The following ZNF429 variants were observed in gnomAD, a reference collection of about 807,000 sequenced individuals.
ZNF429 encodes the protein zinc finger protein 429.
In ZNF429, 53 loss-of-function variants were observed where a neutral mutation model predicts 56.8. The observed-to-expected ratio is 0.93, with a 90% confidence interval of 0.75 to 1.17. The LOEUF (loss-of-function observed/expected upper bound fraction) is 1.17. Ranked by LOEUF, ZNF429 falls within the 50% of genes most tolerant of loss-of-function variation. The pLI is 0.00. For synonymous variants in ZNF429, 278 were observed against 264.7 expected (o/e 1.05, Z -0.49); for missense variants, 849 against 788.4 (o/e 1.08, Z -0.92).
rs2033740715 is a variant in ZNF429 at position 21,537,405 on chromosome 19, A to G, written c.1352A>G (p.Lys451Arg). The G allele has an allele frequency of 6.2e-7, 1 of 1,613,648 alleles. No homozygotes were observed. Among genetic ancestry groups the G allele is most frequent in the African/African-American group, 1.3e-5 (1 of 75,008 alleles). Residue 451 changes from lysine (K) to arginine (R), a missense_variant, in exon 4 of 4, where the codon AAA becomes AGA. Lys to Arg is a conservative substitution (Grantham distance 26). Coordinates refer to ENST00000358491, the MANE Select transcript of ZNF429 (RefSeq NM_001001415.4). ...CATAAGAGAATTCATACTGAAGAGA[A>G]ACCCTATAAATGTAACGAATGTGGC... ...TRHKRIHTEEKPYKCNECGKA... is the reference protein window; with the variant it reads ...TRHKRIHTEERPYKCNECGKA...
At chr19:21,523,530 C>T (rs1248203217) in intron 1 of ZNF429, among the ~76,000 whole-genome samples, 1 of 152,210 alleles carries the variant, frequency 6.6e-6, no homozygotes, top group East Asian at 1.9e-4. Flanking sequence ...TAGTGCCACA[C>T]TGGACACTAT....
At chr19:21,508,744 C>G (rs576759165) in intron 1 of ZNF429, among the ~76,000 whole-genome samples, 27 of 149,218 alleles carry the variant, frequency 1.8e-4, no homozygotes, top group African/African-American at 6.7e-4. Context: ...AATTCCAAGG[C>G]TTAGATTTTG....
intron 1 of ZNF429, among the ~76,000 whole-genome samples, chr19:21,524,527 CAA>C (rs956212682): frequency 5.8e-5 from 8 of 137,432 alleles, no homozygotes; most frequent in Non-Finnish European, 6.4e-5. Flanking sequence ...GACTCCATCT[CAA>C]AAAAAAAAAA....
intron 3 of ZNF429, among the ~76,000 whole-genome samples, chr19:21,535,430 T>C: frequency 1.0e-4 from 2 of 19,994 alleles, no homozygotes; most frequent in South Asian, 1.7e-3. Flanking sequence ...CTTTCTTTCT[T>C]TCTTTCTTTC....
At chr19:21,532,912 G>A in intron 3 of ZNF429, among the ~76,000 whole-genome samples, 1 of 151,974 alleles carries the variant, frequency 6.6e-6, no homozygotes, top group East Asian at 1.9e-4. Context: ...TGGCCAGGCT[G>A]GTCTTGAACT....
At chr19:21,508,230 T>G (rs1599428155) in intron 1 of ZNF429, among the ~76,000 whole-genome samples, 1 of 141,764 alleles carries the variant, frequency 7.1e-6, no homozygotes. Context: ...GCAACACGAG[T>G]GAAACTCCAT....
At position 21,539,681 on chromosome 19, in the gene ZNF429, T is replaced by C. The variant is rs1358122456; in HGVS notation, c.*1603T>C. ...CTTCATCTCAAGTGATCTGCCCACC[T>C]TGGCCTCCCAGAGTGCTGGGATTGC... On this transcript the variant is annotated 3_prime_UTR_variant, in exon 4 of 4. Transcript: ENST00000358491. Among the ~76,000 whole-genome samples, 1 of 151,906 alleles carries C rather than the reference T, an allele frequency of 6.6e-6. No homozygotes were observed. Among genetic ancestry groups the C allele is most frequent in the Non-Finnish European group, 1.5e-5 (1 of 68,000 alleles).
intron 3 of ZNF429, among the ~76,000 whole-genome samples, chr19:21,533,987 TTCTTTCA>T: frequency 2.6e-5 from 4 of 152,198 alleles, no homozygotes; most frequent in Non-Finnish European, 4.4e-5. Context: ...GTGTATTCTA[TTCTTTCA>T]TCTTTCATCT....
At chr19:21,530,716 G>A in intron 3 of ZNF429, 32 bp downstream of exon 3, 2 of 1,514,264 alleles carry the variant, frequency 1.3e-6, no homozygotes, top group Admixed American at 3.7e-5. Context: ...AGACAACACA[G>A]ATGAGAGGTC....
In ZNF429 at chr19:21,537,182, G is replaced by C. The variant is rs770555246; in HGVS notation, c.1129G>C (p.Ala377Pro). 1.9e-6 allele frequency: 3 copies of C among 1,613,978 alleles called. No individual in the cohort carries two copies. The highest frequency in any genetic ancestry group is 2.5e-6 in the Non-Finnish European group (3 of 1,179,994). The change falls in exon 4 of 4, where the codon GCT (alanine) becomes CCT (proline). Residue 377 changes from alanine to proline, a missense_variant. Ala to Pro is a conservative substitution (Grantham distance 27, BLOSUM62 -1). Transcript: ENST00000358491. ...KPYKCEECGK[A>P]FNQSSRLTRH... ...CTACAAATGTGAAGAATGTGGCAAA[G>C]CTTTTAACCAGTCTTCAAGACTTAC...
chr19:21,520,420 A>G lies in ZNF429; in HGVS notation c.4-9238A>G, dbSNP rs182864392. On this transcript the variant is annotated intron_variant, in intron 1 of 3. Coordinates refer to ENST00000358491, the MANE Select transcript of ZNF429 (RefSeq NM_001001415.4). ...TTTGTTCTTTTTTCTTAAAGCATTT[A>G]GATTATATGTAGATATTTTTCTCTG... Among the ~76,000 whole-genome samples the G allele has an allele frequency of 9.2e-4, 140 of 152,332 alleles. 1 individual carries two copies. The highest frequency in any genetic ancestry group is 3.2e-3 in the African/African-American group (131 of 41,576).
At chr19:21,516,891 G>T (rs2032767979) in intron 1 of ZNF429, among the ~76,000 whole-genome samples, 1 of 152,142 alleles carries the variant, frequency 6.6e-6, no homozygotes, top group Non-Finnish European at 1.5e-5. Context: ...TCTGCAAACA[G>T]GGTTAGTTTC....
chr19:21,510,449 T>G (rs2032397136), intron 1 of ZNF429, among the ~76,000 whole-genome samples: 1 of 152,072 alleles, frequency 6.6e-6, no homozygotes, highest in Non-Finnish European at 1.5e-5. Context: ...AAGAAAGAAT[T>G]TAGAGTGAGT....
chr19:21,515,349 GAAAT>G (rs1950600174), intron 1 of ZNF429, among the ~76,000 whole-genome samples: 2 of 150,298 alleles, frequency 1.3e-5, no homozygotes, highest in South Asian at 4.2e-4. Context: ...TGATAAGAAA[GAAAT>G]ACTCATCAAA....
chr19:21,506,760 G>GTTTT (rs539545648), intron 1 of ZNF429, among the ~76,000 whole-genome samples: 4,371 of 118,738 alleles, frequency 0.037, 306 homozygotes, highest in Non-Finnish European at 0.044. Context: ...ATTTGAGTTA[G>GTTTT]TTTTTTGTTT....
At position 21,537,384 on chromosome 19, in the gene ZNF429, A is replaced by G. The variant is rs968330199; in HGVS notation, c.1331A>G (p.Lys444Arg). 12 of 1,613,618 alleles carry G rather than the reference A, an allele frequency of 7.4e-6. No individual in the cohort carries two copies. Among genetic ancestry groups the G allele is most frequent in the Admixed American group, 1.7e-5 (1 of 59,980 alleles). Reference sequence around the variant, plus strand: ...TATTCCTCTACACTTACTAGACATAAGAGAATTCATACTGAAGAGAAACCC... The same window carrying G: ...TATTCCTCTACACTTACTAGACATAGGAGAATTCATACTGAAGAGAAACCC... ...FTYSSTLTRHKRIHTEEKPYK... is the reference protein window; with the variant it reads ...FTYSSTLTRHRRIHTEEKPYK... The change falls in exon 4 of 4, where the codon AAG (lysine) becomes AGG (arginine). Residue 444 changes from lysine to arginine, a missense_variant. By Grantham distance (26) the Lys-to-Arg change is conservative. Transcript: ENST00000358491.
At chr19:21,509,598 C>T (rs2032354962) in intron 1 of ZNF429, among the ~76,000 whole-genome samples, 1 of 152,114 alleles carries the variant, frequency 6.6e-6, no homozygotes, top group Non-Finnish European at 1.5e-5. Flanking sequence ...TGCAGGTGTC[C>T]CTGCCTGCTC....
chr19:21,506,760 G>GTT lies in ZNF429; in HGVS notation c.3+991_3+992dup, dbSNP rs539545648. ...TACAAAAAAAAAAGCATTTGAGTTA[G>GTT]TTTTTTGTTTTTTTTTTTTTTTTTT... On this transcript the variant is annotated intron_variant, in intron 1 of 3. Transcript: ENST00000358491. 7.3e-3 allele frequency among the ~76,000 whole-genome samples: 878 copies of GTT among 119,494 alleles called. 53 individuals carry two copies. Among genetic ancestry groups the GTT allele is most frequent in the African/African-American group, 0.024 (757 of 31,608 alleles). 78.4% of individuals were successfully genotyped at this position (119,494 alleles called of 152,430 possible).
chr19:21,529,066 T>G (rs1279978862), intron 1 of ZNF429: 2 of 152,226 alleles, frequency 1.3e-5, no homozygotes, highest in East Asian at 3.8e-4. Context: ...AAATGAAAGC[T>G]CTCATCTTTG....
Sources: gnomAD v4.1 joint callset for allele counts (sites outside exome capture counted in the v4.1 genomes callset) on GRCh38, gnomAD v4.1.1 for gene constraint, MANE v1.5 for transcripts, NCBI Gene and HGNC (gene_info 2026-07-23, HGNC 2026-07-21) for gene names.